The following TPTE2 variants were observed in gnomAD, a reference collection of about 807,000 sequenced individuals.
TPTE2 encodes transmembrane phosphoinositide 3-phosphatase and tensin homolog 2.
A neutral mutation model predicts 78.6 loss-of-function variants in TPTE2; 53 were observed. The observed-to-expected ratio is 0.67, with a 90% CI of 0.54 to 0.85. The LOEUF (loss-of-function observed/expected upper bound fraction) is 0.85, where lower values mean the gene tolerates loss of function less well. Among genes scored for constraint, TPTE2 ranks in the 40% least tolerant of loss-of-function variants. The pLI, the probability that TPTE2 is intolerant of heterozygous loss-of-function variation, is 0.00. For missense variants in TPTE2, 461 were observed against 623.0 expected, an observed-to-expected ratio of 0.74 and a Z score of 2.77; for synonymous variants, 175 against 206.2, an observed-to-expected ratio of 0.85 and a Z score of 1.30.
At chr13:19,508,417 C>A (rs1869213121) in intron 1 of TPTE2, among the ~76,000 whole-genome samples, 1 of 151,990 alleles carries the variant, frequency 6.6e-6, no homozygotes, top group Admixed American at 6.6e-5. Flanking sequence ...GACAAATATT[C>A]TTAAGGATAA....
chr13:19,530,776 C>T (rs529908268), intron 1 of TPTE2, among the ~76,000 whole-genome samples: 122 of 152,266 alleles, frequency 8.0e-4, no homozygotes, highest in Non-Finnish European at 1.4e-3. Context: ...CCTCCCACCT[C>T]GGCATCCCAA....
At chr13:19,546,544 C>T in the TPTE2 span, among the ~76,000 whole-genome samples, 1 of 116,250 alleles carries the variant, frequency 8.6e-6, no homozygotes, top group African/African-American at 3.3e-5. Flanking sequence ...GGCTGGAGTG[C>T]AATAGCACAA....
At chr13:19,428,080 T>G (rs1401231266) in intron 17 of TPTE2, among the ~76,000 whole-genome samples, 1 of 152,070 alleles carries the variant, frequency 6.6e-6, no homozygotes, top group Non-Finnish European at 1.5e-5. Flanking sequence ...GCAGTTTAGA[T>G]AAAGGAAGAA....
At chr13:19,479,764 C>G (rs569331450) in intron 4 of TPTE2, among the ~76,000 whole-genome samples, 4 of 152,018 alleles carry the variant, frequency 2.6e-5, no homozygotes, top group Non-Finnish European at 5.9e-5. Context: ...GAGATTGAGA[C>G]CATCCTGGCC....
chr13:19,551,923 G>C, the TPTE2 span, among the ~76,000 whole-genome samples: 1 of 152,036 alleles, frequency 6.6e-6, no homozygotes, highest in Non-Finnish European at 1.5e-5. Flanking sequence ...TCTATAAATT[G>C]AATTAAAATG....
intron 10 of TPTE2, among the ~76,000 whole-genome samples, chr13:19,452,425 TTGAC>T (rs1417963197): frequency 6.6e-6 from 1 of 152,054 alleles, no homozygotes; most frequent in Non-Finnish European, 1.5e-5. Flanking sequence ...TTCAGAAAAA[TTGAC>T]TGAATGGGGA....
At chr13:19,507,069 G>GT (rs1253734071), upstream of TPTE2, among the ~76,000 whole-genome samples, 1 of 152,060 alleles carries the variant, frequency 6.6e-6, no homozygotes, top group African/African-American at 2.4e-5. Context: ...ACATTTGCGT[G>GT]TATCTTTATG....
In TPTE2 at chr13:19,535,656, G is replaced by A. The variant is rs867907405; in HGVS notation, c.-44+940C>T. Among the ~76,000 whole-genome samples, 7 of 90,886 alleles carry A rather than the reference G, an allele frequency of 7.7e-5. No individual in the cohort carries two copies. Among genetic ancestry groups the A allele is most frequent in the Admixed American group, 5.2e-4 (4 of 7,670 alleles). 59.6% of individuals were successfully genotyped at this position (90,886 alleles called of 152,430 possible). A position where few individuals can be genotyped will look rare whatever the true frequency, so the allele number is the denominator to read the frequency against. On this transcript the variant is annotated intron_variant, in intron 1 of 17. Coordinates refer to the TPTE2 transcript ENST00000390680. This position sits in a 1 kb window ranked among gnomAD's most constrained non-coding sequence, Gnocchi z 5.1. The stretch of plus-strand genomic sequence containing the variant: ...TTTATTTATTTATTTATTTTGAGAC[G>A]GAGTCTCACTCTGTCACCAGGCTGG...
the TPTE2 span, among the ~76,000 whole-genome samples, chr13:19,545,461 A>G: frequency 6.6e-6 from 1 of 152,338 alleles, no homozygotes; most frequent in Middle Eastern, 3.4e-3. Flanking sequence ...TGTTGGATTT[A>G]TAAGAGAAGA....
intron 1 of TPTE2, among the ~76,000 whole-genome samples, chr13:19,518,943 G>A (rs1260050209): frequency 6.6e-6 from 1 of 152,088 alleles, no homozygotes; most frequent in East Asian, 1.9e-4. Flanking sequence ...ACACTTCAAT[G>A]GTAATCAATA....
chr13:19,465,617 A>G, intron 7 of TPTE2, 53 bp from the exon 11 acceptor site: 7 of 1,421,304 alleles, frequency 4.9e-6, no homozygotes, highest in Non-Finnish European at 6.7e-6. Flanking sequence ...AATTTTATCA[A>G]TATAAACTAT....
chr13:19,517,862 G>A (rs1043216859), intron 1 of TPTE2, among the ~76,000 whole-genome samples: 4 of 152,234 alleles, frequency 2.6e-5, no homozygotes, highest in East Asian at 1.9e-4. Flanking sequence ...GGCATGGGGT[G>A]GGGGAGAATG....
intron 17 of TPTE2, among the ~76,000 whole-genome samples, chr13:19,427,074 C>CTTT (rs1483318899): frequency 6.5e-5 from 6 of 91,608 alleles, no homozygotes; most frequent in Admixed American, 1.1e-4. Context: ...TTTTTCTTTT[C>CTTT]TTTTCTTTTT....
At chr13:19,440,705 G>T (rs1877431370) in intron 13 of TPTE2, among the ~76,000 whole-genome samples, 1 of 152,170 alleles carries the variant, frequency 6.6e-6, no homozygotes, top group South Asian at 2.1e-4. Context: ...AGGAGTCGGA[G>T]GTTGCAGTGA....
At chr13:19,489,661 T>C (rs1880875519) in intron 3 of TPTE2, among the ~76,000 whole-genome samples, 1 of 150,354 alleles carries the variant, frequency 6.7e-6, no homozygotes, top group South Asian at 2.1e-4. Flanking sequence ...TGTATATCTA[T>C]ATACACAAAT....
intron 1 of TPTE2, among the ~76,000 whole-genome samples, chr13:19,497,400 G>A (rs1350092754): frequency 7.5e-6 from 1 of 133,514 alleles, no homozygotes; most frequent in East Asian, 2.2e-4. Context: ...AAATGTCCCT[G>A]TCTGACAGCT....
rs185070180 is a variant in TPTE2 at position 19,448,370 on chromosome 13, T to G, written c.973+1706A>C. On this transcript the variant is annotated intron_variant, in intron 13 of 19. Coordinates refer to ENST00000400230, the Ensembl canonical transcript of TPTE2. ...CACTTTTGCACAGCAAAGGAAACAT[T>G]TATAGAGTAAAGAGAGAACCTACAG... is the stretch of plus-strand genomic sequence containing the variant. Among the ~76,000 whole-genome samples the G allele has an allele frequency of 2.9e-3, 442 of 152,120 alleles. 3 individuals carry two copies. The highest frequency in any genetic ancestry group is 9.7e-3 in the African/African-American group (401 of 41,496).
chr13:19,510,374 C>T lies in TPTE2; in HGVS notation c.-43-7097G>A, dbSNP rs151080849. 1.9e-3 allele frequency among the ~76,000 whole-genome samples: 291 copies of T among 151,546 alleles called. 2 individuals carry two copies. Among genetic ancestry groups the T allele is most frequent in the African/African-American group, 5.5e-3 (227 of 40,902 alleles). On this transcript the variant is annotated intron_variant, in intron 1 of 17. Coordinates refer to the TPTE2 transcript ENST00000390680. ...GCTCCCATTTATGGTGGAAGATAGACGAAGGGGAACTGACACGTGCAGAGA... is the reference window on the plus strand; with the variant it reads ...GCTCCCATTTATGGTGGAAGATAGATGAAGGGGAACTGACACGTGCAGAGA...
chr13:19,498,485 G>A (rs1403880302), intron 1 of TPTE2, among the ~76,000 whole-genome samples: 1 of 151,978 alleles, frequency 6.6e-6, no homozygotes, highest in Non-Finnish European at 1.5e-5. Flanking sequence ...GAGAGTGGGG[G>A]CCAATATTCA....
Sources: gnomAD v4.1 joint callset for allele counts (sites outside exome capture counted in the v4.1 genomes callset) on GRCh38, gnomAD v4.1.1 for gene constraint, Gnocchi (gnomAD v3.1) non-coding constraint, MANE v1.5 for transcripts, NCBI Gene and HGNC (gene_info 2026-07-23, HGNC 2026-07-21) for gene names.